SNX24: variants seen among roughly 807,000 people sequenced by gnomAD.
The protein encoded by SNX24 is sorting nexin-24.
Under a neutral mutation model 28.7 loss-of-function variants are expected in SNX24, and 22 were observed. That is an observed-to-expected ratio of 0.77 (90% CI 0.55 to 1.10). The LOEUF is 1.10. Ranked by LOEUF, SNX24 falls within the 50% of genes least tolerant of loss-of-function variation. SNX24 has a pLI of 0.00. For synonymous variants in SNX24, 69 were observed against 71.5 expected (o/e 0.96, Z 0.18); for missense variants, 221 against 201.1 (o/e 1.10, Z -0.60).
At chr5:123,013,358 T>C (rs1193291330), downstream of SNX24, among the ~76,000 whole-genome samples, 2 of 152,244 alleles carry the variant, frequency 1.3e-5, no homozygotes, top group African/African-American at 2.4e-5. Flanking sequence ...GGCTGTCTTC[T>C]TCCAGTCTCT....
intron 1 of SNX24, among the ~76,000 whole-genome samples, chr5:122,899,345 C>A (rs1292958069): frequency 6.6e-6 from 1 of 152,162 alleles, no homozygotes; most frequent in Non-Finnish European, 1.5e-5. Context: ...TAGAAATATA[C>A]CATTTGCACC....
At chr5:122,971,281 G>A (rs543033823) in intron 3 of SNX24, among the ~76,000 whole-genome samples, 5 of 152,178 alleles carry the variant, frequency 3.3e-5, no homozygotes, top group Non-Finnish European at 7.3e-5. Context: ...CTTTATCTTG[G>A]TTGCGCTGGC....
intron 1 of SNX24, among the ~76,000 whole-genome samples, chr5:122,910,352 T>C (rs932761077): frequency 9.2e-5 from 14 of 152,172 alleles, no homozygotes; most frequent in Non-Finnish European, 4.4e-5. Context: ...GAAATTCTTT[T>C]CCTCTTCATT....
At chr5:122,988,923 CTT>C (rs1168950408) in intron 3 of SNX24, among the ~76,000 whole-genome samples, 1 of 152,032 alleles carries the variant, frequency 6.6e-6, no homozygotes, top group Non-Finnish European at 1.5e-5. Context: ...GTGTTATGGA[CTT>C]TTTTAAAGTA....
chr5:122,891,241 T>G (rs1280577493), intron 1 of SNX24: 1 of 1,029,668 alleles, frequency 9.7e-7, no homozygotes. Context: ...AAGTGCCTAT[T>G]TATTCTAATA....
chr5:122,971,695 T>C (rs1357812199), intron 3 of SNX24, among the ~76,000 whole-genome samples: 1 of 152,220 alleles, frequency 6.6e-6, no homozygotes, highest in Non-Finnish European at 1.5e-5. Flanking sequence ...AAAATGAAGA[T>C]ATTTTCTTAA....
At chr5:122,889,540 T>C (rs1376310258) in intron 1 of SNX24, among the ~76,000 whole-genome samples, 1 of 151,614 alleles carries the variant, frequency 6.6e-6, no homozygotes, top group African/African-American at 2.4e-5. Context: ...GGAAAAAGAC[T>C]AAAACCCTTT....
At chr5:122,921,579 T>C (rs529647805) in intron 1 of SNX24, among the ~76,000 whole-genome samples, 1 of 152,052 alleles carries the variant, frequency 6.6e-6, no homozygotes, top group Non-Finnish European at 1.5e-5. Context: ...CCAGGTGATG[T>C]AGGGGATTTA....
intron 1 of SNX24, among the ~76,000 whole-genome samples, chr5:122,936,029 C>T (rs1486027231): frequency 6.6e-6 from 1 of 152,146 alleles, no homozygotes; most frequent in Non-Finnish European, 1.5e-5. Context: ...TTTCTCATCC[C>T]TTGTTTCCAG....
chr5:122,968,811 A>T (rs1047080682), intron 3 of SNX24, among the ~76,000 whole-genome samples: 2 of 152,156 alleles, frequency 1.3e-5, no homozygotes, highest in Non-Finnish European at 2.9e-5. Context: ...CCAGTAATAG[A>T]TACAATAAAA....
intron 1 of SNX24, among the ~76,000 whole-genome samples, chr5:122,881,954 T>C (rs1756500578): frequency 2.0e-5 from 3 of 151,330 alleles, no homozygotes. Context: ...ACAAGGATTA[T>C]GAATTTTGTT....
rs375762834 is a variant in SNX24, at chr5:123,028,797, G to C, written n.384-441G>C. On this transcript the variant is annotated intron_variant and non_coding_transcript_variant, in intron 5 of 5. Transcript: ENST00000502387. Reference sequence around the variant, plus strand: ...TACCCCCAGTGCCATCTCCAGTGGTGATGTCACCTCCTTGAATCATGAAAT... The same window carrying C: ...TACCCCCAGTGCCATCTCCAGTGGTCATGTCACCTCCTTGAATCATGAAAT... 3.0e-5 allele frequency: 48 copies of C among 1,613,382 alleles called. No individual in the cohort carries two copies. Among genetic ancestry groups the C allele is most frequent in the Non-Finnish European group, 3.9e-5 (46 of 1,179,450 alleles).
At chr5:122,999,365 C>T (rs996080582) in intron 3 of SNX24, among the ~76,000 whole-genome samples, 5 of 151,946 alleles carry the variant, frequency 3.3e-5, no homozygotes, top group African/African-American at 1.2e-4. Flanking sequence ...AATGCCAAAA[C>T]AGGTGATAGT....
At chr5:122,942,625 G>A (rs1759505492) in intron 2 of SNX24, among the ~76,000 whole-genome samples, 2 of 152,226 alleles carry the variant, frequency 1.3e-5, no homozygotes, top group Middle Eastern at 3.2e-3. Context: ...AAGGAAAAGG[G>A]AGTGGTCACA....
intron 1 of SNX24, among the ~76,000 whole-genome samples, chr5:122,899,982 T>G (rs534592182): frequency 6.6e-6 from 1 of 152,278 alleles, no homozygotes; most frequent in East Asian, 1.9e-4. Flanking sequence ...GACAAATAAA[T>G]ATTGTGTGTA....
chr5:123,021,376 G>T (rs1300480927), intron 5 of SNX24, among the ~76,000 whole-genome samples: 2 of 152,116 alleles, frequency 1.3e-5, no homozygotes, highest in African/African-American at 2.4e-5. Context: ...CATCTGTAGG[G>T]TCAGCCCACC....
chr5:122,963,063 G>T (rs35830997), intron 3 of SNX24, among the ~76,000 whole-genome samples: 1 of 152,002 alleles, frequency 6.6e-6, no homozygotes, highest in African/African-American at 2.4e-5. Context: ...GTGAAACCTC[G>T]TCTCTGCTAA....
rs536384830 is a variant in SNX24 at position 122,929,159 on chromosome 5, T to C, written c.61-7575T>C. On this transcript the variant is annotated intron_variant, in intron 1 of 6. Coordinates refer to ENST00000261369, the MANE Select transcript of SNX24 (RefSeq NM_014035.4). ...AGTGGAGTTAGCTTTTTGCTCCCTC[T>C]CCAGCCTCCTTCAGAGGTGTCTCTT... Among the ~76,000 whole-genome samples the C allele has an allele frequency of 1.9e-4, 29 of 152,214 alleles. 2 individuals carry two copies. In the South Asian group the frequency reaches 2.7e-3, roughly 14 times the overall value.
At chr5:122,854,851 C>A (rs964354212) in intron 1 of SNX24, among the ~76,000 whole-genome samples, 1 of 152,124 alleles carries the variant, frequency 6.6e-6, no homozygotes, top group African/African-American at 2.4e-5. Flanking sequence ...TTTAATAATG[C>A]ATATAAATGT....
Sources: allele counts gnomAD v4.1 joint callset (sites outside exome capture counted in the v4.1 genomes callset), GRCh38; gene constraint gnomAD v4.1.1; transcripts MANE v1.5; gene names NCBI Gene and HGNC (gene_info 2026-07-23, HGNC 2026-07-21).